Variants in HS3ST2 observed in about 807,000 individuals in gnomAD.
The protein encoded by HS3ST2 is heparan sulfate-glucosamine 3-sulfotransferase 2.
In HS3ST2, 17 loss-of-function variants were observed where a neutral mutation model predicts 26.3. That is an observed-to-expected ratio of 0.65 (90% CI 0.44 to 0.97). The LOEUF (loss-of-function observed/expected upper bound fraction) is 0.97. Ranked by LOEUF, HS3ST2 falls within the 50% of genes least tolerant of loss-of-function variation. HS3ST2 has a pLI of 0.00. For missense variants in HS3ST2, 402 were observed against 501.2 expected, an observed-to-expected ratio of 0.80 and a Z score of 1.89; for synonymous variants, 237 against 219.2, an observed-to-expected ratio of 1.08 and a Z score of -0.72.
At chr16:22,849,837 G>T (rs1166947858) in intron 1 of HS3ST2, among the ~76,000 whole-genome samples, 3 of 152,136 alleles carry the variant, frequency 2.0e-5, no homozygotes, top group African/African-American at 7.2e-5. Flanking sequence ...TTCAGCCAAA[G>T]GGACAGGATG....
chr16:22,878,631 A>G (rs1339906283), intron 1 of HS3ST2, among the ~76,000 whole-genome samples: 1 of 152,176 alleles, frequency 6.6e-6, no homozygotes, highest in African/African-American at 2.4e-5. Flanking sequence ...AAATAAATAC[A>G]TTATGGAGCA....
chr16:22,884,134 T>C (rs1263865015), intron 1 of HS3ST2, among the ~76,000 whole-genome samples: 2 of 152,224 alleles, frequency 1.3e-5, no homozygotes, highest in Non-Finnish European at 2.9e-5. Flanking sequence ...GGAATTCACT[T>C]GTAAATATGA....
intron 1 of HS3ST2, among the ~76,000 whole-genome samples, chr16:22,907,364 G>GGATACAT (rs1409534016): frequency 2.0e-5 from 3 of 152,190 alleles, no homozygotes; most frequent in African/African-American, 7.2e-5. Flanking sequence ...AGAAAGCTTA[G>GGATACAT]GATACATGAT....
intron 1 of HS3ST2, among the ~76,000 whole-genome samples, chr16:22,880,221 T>C (rs928696046): frequency 5.3e-5 from 8 of 152,090 alleles, no homozygotes; most frequent in African/African-American, 1.7e-4. Flanking sequence ...TAGTTTAAGA[T>C]GAGCACGGGC....
intron 1 of HS3ST2, among the ~76,000 whole-genome samples, chr16:22,838,377 A>C (rs1478197505): frequency 6.6e-6 from 1 of 152,152 alleles, no homozygotes; most frequent in Non-Finnish European, 1.5e-5. Flanking sequence ...AGATGCAAGC[A>C]TGCCTGCCAC....
rs1409500819 is a variant in HS3ST2 at position 22,868,062 on chromosome 16, AT to A, written c.486-46881del. The stretch of plus-strand genomic sequence containing the variant: ...TGTGTGATTCTGCTTTTTTAAAAAA[AT>A]ATTACACATGCACAAAAATTACACA... On this transcript the variant is annotated intron_variant, in intron 1 of 1. Coordinates refer to ENST00000261374, the MANE Select transcript of HS3ST2 (RefSeq NM_006043.2). Among the ~76,000 whole-genome samples the A allele has an allele frequency of 2.0e-5, 3 of 152,294 alleles. No homozygotes were observed. In the East Asian group the frequency reaches 5.8e-4, roughly 29 times the overall value.
chr16:22,881,042 A>G (rs562621750), intron 1 of HS3ST2, among the ~76,000 whole-genome samples: 1 of 152,356 alleles, frequency 6.6e-6, no homozygotes, highest in East Asian at 1.9e-4. Context: ...AGAGAGTTTA[A>G]ACTGAGTTTC....
chr16:22,906,626 A>G (rs1902358050), intron 1 of HS3ST2, among the ~76,000 whole-genome samples: 1 of 152,160 alleles, frequency 6.6e-6, no homozygotes, highest in Admixed American at 6.5e-5. Context: ...ACCTTCCTAC[A>G]TTTGGAAAGT....
At position 22,832,169 on chromosome 16, in the gene HS3ST2, T is replaced by A. The variant is rs566266862; in HGVS notation, c.485+17074T>A. On this transcript the variant is annotated intron_variant, in intron 1 of 1. Transcript: ENST00000261374. ...AGCTGATCTTTTTTTTTTTTTTTTT[T>A]AATTTTTAGTGGAGATAGGGTCTTT... Among the ~76,000 whole-genome samples the A allele has an allele frequency of 8.7e-4, 129 of 147,816 alleles. 1 individual carries two copies. The highest frequency in any genetic ancestry group is 3.1e-3 in the African/African-American group (124 of 40,292).
intron 1 of HS3ST2, among the ~76,000 whole-genome samples, chr16:22,906,589 A>G (rs1303807113): frequency 6.6e-6 from 1 of 152,200 alleles, no homozygotes; most frequent in African/African-American, 2.4e-5. Context: ...CAGAAATGGC[A>G]TGAGACGTTC....
chr16:22,892,550 T>A (rs1013252466), intron 1 of HS3ST2, among the ~76,000 whole-genome samples: 1 of 152,228 alleles, frequency 6.6e-6, no homozygotes, highest in Non-Finnish European at 1.5e-5. Flanking sequence ...ATTAAATGAA[T>A]GTGCTATCAT....
chr16:22,815,144 A>G (rs1277502124), intron 1 of HS3ST2, 49 bp downstream of exon 1: 12 of 1,599,010 alleles, frequency 7.5e-6, no homozygotes, highest in Non-Finnish European at 1.0e-5. Flanking sequence ...GATCGCTTCC[A>G]TTGGGAGAGC....
At position 22,916,318 on chromosome 16, in the gene HS3ST2, A is replaced by G. The variant is rs1164662365; in HGVS notation, c.*756A>G. On this transcript the variant is annotated 3_prime_UTR_variant, in exon 2 of 2. Transcript: ENST00000261374. Reference sequence around the variant, plus strand: ...TCATGCTTGTCCATGTGAAATAAATATGGCTCTCTCGTGTCCTTAATGCTG... The same window carrying G: ...TCATGCTTGTCCATGTGAAATAAATGTGGCTCTCTCGTGTCCTTAATGCTG... 6.5e-6 allele frequency: 1 copy of G among 152,684 alleles called. No homozygotes were observed. Among genetic ancestry groups the G allele is most frequent in the East Asian group, 1.9e-4 (1 of 5,198 alleles). The allele number at this position is 152,684 out of a possible 1,614,324, so 9.5% of individuals were successfully genotyped here.
At chr16:22,833,463 G>A (rs1435028280) in intron 1 of HS3ST2, 1 of 385,702 alleles carries the variant, frequency 2.6e-6, no homozygotes, top group Non-Finnish European at 5.2e-6. Flanking sequence ...GGTGTGACCA[G>A]GAAATAGATT....
At chr16:22,905,343 C>T (rs143668702) in intron 1 of HS3ST2, among the ~76,000 whole-genome samples, 61 of 151,890 alleles carry the variant, frequency 4.0e-4, no homozygotes, top group African/African-American at 1.4e-3. Context: ...TGTTCCACTG[C>T]GTAGCCCAGT....
intron 1 of HS3ST2, among the ~76,000 whole-genome samples, chr16:22,858,393 G>A (rs914087362): frequency 2.6e-4 from 39 of 151,390 alleles, no homozygotes; most frequent in African/African-American, 9.0e-4. Context: ...AGATGTACAA[G>A]CATGCATGTT....
intron 1 of HS3ST2, among the ~76,000 whole-genome samples, chr16:22,844,008 TACAC>T (rs71876208): frequency 0.028 from 4,191 of 148,494 alleles, 112 homozygotes; most frequent in African/African-American, 0.07. Flanking sequence ...GATGAAAACC[TACAC>T]ACACACACAC....
chr16:22,901,920 A>G (rs1168373131), intron 1 of HS3ST2, among the ~76,000 whole-genome samples: 1 of 152,216 alleles, frequency 6.6e-6, no homozygotes, highest in Non-Finnish European at 1.5e-5. Context: ...GACAAAAAAT[A>G]CATGCTCATG....
intron 1 of HS3ST2, among the ~76,000 whole-genome samples, chr16:22,837,499 G>A (rs202111753): frequency 3.3e-4 from 47 of 144,552 alleles, no homozygotes; most frequent in Middle Eastern, 3.7e-3. Flanking sequence ...GTGTGTGTGT[G>A]TATATATATG....
Sources: allele counts gnomAD v4.1 joint callset (sites outside exome capture counted in the v4.1 genomes callset), GRCh38; gene constraint gnomAD v4.1.1; transcripts MANE v1.5; gene names NCBI Gene and HGNC (gene_info 2026-07-23, HGNC 2026-07-21).